The following NRG3 variants were observed in gnomAD, a reference collection of about 807,000 sequenced individuals.
NRG3 encodes neuregulin 3.
A neutral mutation model predicts 66.9 loss-of-function variants in NRG3; 31 were observed. That is an observed-to-expected ratio of 0.46 (90% CI 0.35 to 0.63). NRG3 has a LOEUF of 0.63. Ranked by LOEUF, NRG3 falls within the 20% of genes least tolerant of loss-of-function variation. The pLI is 0.00. For synonymous variants in NRG3, 393 were observed against 359.4 expected (o/e 1.09, Z -1.06); for missense variants, 910 against 878.9 (o/e 1.04, Z -0.45).
intron 2 of NRG3, among the ~76,000 whole-genome samples, chr10:82,612,498 A>G (rs2048376397): frequency 6.6e-6 from 1 of 152,202 alleles, no homozygotes; most frequent in Non-Finnish European, 1.5e-5. Flanking sequence ...ATAGGAATAT[A>G]GGAATGCTTT....
At chr10:82,617,115 C>T (rs2048705874) in intron 2 of NRG3, among the ~76,000 whole-genome samples, 1 of 152,034 alleles carries the variant, frequency 6.6e-6, no homozygotes, top group South Asian at 2.1e-4. Context: ...CCTATGCAAC[C>T]TTGAAGACCC....
intron 2 of NRG3, among the ~76,000 whole-genome samples, chr10:82,717,851 C>CTT (rs57465728): frequency 5.3e-4 from 76 of 144,068 alleles, no homozygotes; most frequent in African/African-American, 1.8e-3. Context: ...ATTGAAAAGT[C>CTT]TTTTTTTTTT....
chr10:82,381,489 G>A (rs2085613554), intron 2 of NRG3, among the ~76,000 whole-genome samples: 1 of 152,116 alleles, frequency 6.6e-6, no homozygotes, highest in Non-Finnish European at 1.5e-5. Context: ...ACTCGTCCAA[G>A]CGGCAGAGCA....
At chr10:82,909,434 C>T (rs1845101000) in intron 4 of NRG3, among the ~76,000 whole-genome samples, 1 of 152,034 alleles carries the variant, frequency 6.6e-6, no homozygotes, top group African/African-American at 2.4e-5. Flanking sequence ...ACTTTTACAC[C>T]CGACCTCATG....
At chr10:82,579,854 T>G (rs1374429523) in intron 2 of NRG3, among the ~76,000 whole-genome samples, 2 of 151,954 alleles carry the variant, frequency 1.3e-5, no homozygotes, top group East Asian at 3.9e-4. Flanking sequence ...TTTATCTGTA[T>G]AGTAATAGTC....
At chr10:82,771,687 G>C (rs2059717469) in intron 3 of NRG3, among the ~76,000 whole-genome samples, 1 of 152,126 alleles carries the variant, frequency 6.6e-6, no homozygotes, top group Non-Finnish European at 1.5e-5. Context: ...GCTAAGTCCT[G>C]GATGAGCTAT....
intron 4 of NRG3, among the ~76,000 whole-genome samples, chr10:82,883,942 G>GTT (rs545422416): frequency 1.0e-4 from 15 of 143,028 alleles, no homozygotes; most frequent in Middle Eastern, 3.7e-3. Flanking sequence ...TTTTGCTATA[G>GTT]TTTTTTTTTT....
chr10:81,909,217 T>A (rs888412412), intron 1 of NRG3, among the ~76,000 whole-genome samples: 2 of 152,202 alleles, frequency 1.3e-5, no homozygotes, highest in Admixed American at 6.5e-5. Context: ...TGCATCTATG[T>A]TTCTATGTTC....
chr10:82,293,808 C>T (rs1021817844), intron 1 of NRG3, among the ~76,000 whole-genome samples: 6 of 151,960 alleles, frequency 3.9e-5, no homozygotes, highest in Admixed American at 1.3e-4. Flanking sequence ...CTTAATATCT[C>T]GTAATTGCAT....
chr10:82,056,675 T>C (rs2063861178), intron 1 of NRG3, among the ~76,000 whole-genome samples: 1 of 152,218 alleles, frequency 6.6e-6, no homozygotes, highest in South Asian at 2.1e-4. Context: ...TTTAACAGTC[T>C]AGTTGGGGTT....
intron 1 of NRG3, among the ~76,000 whole-genome samples, chr10:82,256,078 T>C (rs759836061): frequency 5.9e-5 from 9 of 151,996 alleles, no homozygotes; most frequent in Non-Finnish European, 1.3e-4. Context: ...CACACGCCAC[T>C]GTGCCTGGCT....
intron 1 of NRG3, among the ~76,000 whole-genome samples, chr10:81,887,605 A>G (rs1373587455): frequency 6.6e-6 from 1 of 152,144 alleles, no homozygotes; most frequent in Non-Finnish European, 1.5e-5. Context: ...TTATTCTTAT[A>G]TTAATTTTCA....
chr10:82,331,769 G>A (rs965493895), intron 1 of NRG3, among the ~76,000 whole-genome samples: 23 of 152,202 alleles, frequency 1.5e-4, no homozygotes, highest in African/African-American at 5.1e-4. Context: ...TTTACATCAA[G>A]GGGAAGATGT....
At chr10:82,394,794 G>A (rs1213710774) in intron 2 of NRG3, among the ~76,000 whole-genome samples, 1 of 152,116 alleles carries the variant, frequency 6.6e-6, no homozygotes, top group Non-Finnish European at 1.5e-5. Context: ...CTTCATAGTG[G>A]TAGATGAGGA....
intron 3 of NRG3, among the ~76,000 whole-genome samples, chr10:82,791,068 T>C (rs2060568741): frequency 6.6e-6 from 1 of 152,076 alleles, no homozygotes; most frequent in Admixed American, 6.6e-5. Context: ...CTTAAAGTTT[T>C]TTTTTATTAA....
At chr10:81,928,306 C>T (rs1376015791) in intron 1 of NRG3, among the ~76,000 whole-genome samples, 1 of 152,146 alleles carries the variant, frequency 6.6e-6, no homozygotes, top group Non-Finnish European at 1.5e-5. Flanking sequence ...GCCTGTCTCC[C>T]CTGCAGGGAT....
chr10:82,977,939 A>G (rs1414037200), intron 7 of NRG3, among the ~76,000 whole-genome samples: 1 of 152,188 alleles, frequency 6.6e-6, no homozygotes. Flanking sequence ...TGATAAATTT[A>G]TTGAAATTTT....
chr10:82,017,097 A>G (rs2061820195), intron 1 of NRG3, among the ~76,000 whole-genome samples: 1 of 151,898 alleles, frequency 6.6e-6, no homozygotes, highest in African/African-American at 2.4e-5. Flanking sequence ...TCCCCACCCC[A>G]CAACAGGCCC....
In NRG3 at chr10:82,355,866, A is replaced by G. The variant is rs768711651; in HGVS notation, c.824-2873A>G. On this transcript the variant is annotated intron_variant, in intron 1 of 8. Coordinates refer to ENST00000372141, the MANE Select transcript of NRG3 (RefSeq NM_001010848.4). ...TATTGATAATTGCAGTTATTTACTT[A>G]GAGAATGATCATACCCAATATTTTA... 5.9e-5 allele frequency among the ~76,000 whole-genome samples: 9 copies of G among 152,238 alleles called. No homozygotes were observed. The South Asian group carries it at 1.0e-3, about 17-fold the overall frequency.
Sources: allele counts gnomAD v4.1 joint callset (sites outside exome capture counted in the v4.1 genomes callset), GRCh38; gene constraint gnomAD v4.1.1; transcripts MANE v1.5; gene names NCBI Gene and HGNC (gene_info 2026-07-23, HGNC 2026-07-21).